The following CPED1 variants were observed in gnomAD, a reference collection of about 807,000 sequenced individuals.
CPED1 encodes cadherin-like and PC-esterase domain-containing protein 1.
CPED1 carries 114 observed loss-of-function variants against 128.2 expected under a neutral mutation model. That is an observed-to-expected ratio of 0.89 (90% confidence interval 0.76 to 1.04). CPED1 has a LOEUF of 1.04. Among genes scored for constraint, CPED1 ranks in the 50% least tolerant of loss-of-function variants. CPED1 has a pLI of 0.00. For synonymous variants in CPED1, 462 were observed against 426.7 expected, an observed-to-expected ratio of 1.08 and a Z score of -1.02; for missense variants, 1,211 against 1,207.1, an observed-to-expected ratio of 1.00 and a Z score of -0.05.
At chr7:121,009,217 C>A (rs1792099647) in intron 2 of CPED1, among the ~76,000 whole-genome samples, 1 of 151,966 alleles carries the variant, frequency 6.6e-6, no homozygotes, top group Non-Finnish European at 1.5e-5. Context: ...TGCAGCACAG[C>A]AAGGAAATTT....
chr7:121,097,608 C>G, intron 5 of CPED1, 91 bp from the exon 6 acceptor site: 1 of 1,401,712 alleles, frequency 7.1e-7, no homozygotes, highest in Non-Finnish European at 9.8e-7. Flanking sequence ...TCTCATGTAC[C>G]CTGCAGTTTA....
At chr7:121,047,713 T>TCCTTCTCCTCCTCCTCCTCCTCCTCC (rs1793248049) in intron 4 of CPED1, among the ~76,000 whole-genome samples, 1 of 69,672 alleles carries the variant, frequency 1.4e-5, no homozygotes, top group African/African-American at 5.8e-5. Flanking sequence ...CTTCTTCTTC[T>TCCTTCTCCTCCTCCTCCTCCTCCTCC]TCTTTTTTTT....
At chr7:121,220,567 T>C (rs1797852784) in intron 16 of CPED1, among the ~76,000 whole-genome samples, 1 of 152,048 alleles carries the variant, frequency 6.6e-6, no homozygotes, top group African/African-American at 2.4e-5. Context: ...TAATTTATGG[T>C]AATTTGTCAC....
chr7:121,125,312 CTTTAAG>C (rs1795477103), intron 8 of CPED1, among the ~76,000 whole-genome samples: 2 of 152,104 alleles, frequency 1.3e-5, no homozygotes, highest in East Asian at 3.9e-4. Context: ...TATTATTTTA[CTTTAAG>C]TTCTGGGATA....
At chr7:121,164,034 A>G (rs1361178428) in intron 16 of CPED1, among the ~76,000 whole-genome samples, 2 of 152,266 alleles carry the variant, frequency 1.3e-5, no homozygotes, top group Non-Finnish European at 2.9e-5. Context: ...ATTTACTGCT[A>G]GGTGCTCTGC....
chr7:121,022,166 G>T (rs1792457457), intron 3 of CPED1, among the ~76,000 whole-genome samples: 2 of 151,812 alleles, frequency 1.3e-5, no homozygotes, highest in African/African-American at 4.8e-5. Context: ...TTAAATACAT[G>T]AACAAAGGAA....
At chr7:121,239,002 G>A (rs1351705897) in intron 17 of CPED1, among the ~76,000 whole-genome samples, 1 of 152,106 alleles carries the variant, frequency 6.6e-6, no homozygotes, top group East Asian at 1.9e-4. Flanking sequence ...CCATCCTCAA[G>A]CTCCAAAAGG....
At chr7:121,100,137 A>G in intron 7 of CPED1, 43 bp downstream of exon 7, 1 of 1,566,452 alleles carries the variant, frequency 6.4e-7, no homozygotes, top group Non-Finnish European at 8.8e-7. Context: ...AAGTACACTG[A>G]AGTAAAGTAA....
At chr7:121,218,309 A>G (rs978784318) in intron 16 of CPED1, among the ~76,000 whole-genome samples, 1 of 151,926 alleles carries the variant, frequency 6.6e-6, no homozygotes, top group Non-Finnish European at 1.5e-5. Context: ...CCACCTAATA[A>G]TTGTAGACAG....
chr7:121,173,783 T>C (rs1796710724), intron 16 of CPED1, among the ~76,000 whole-genome samples: 1 of 152,078 alleles, frequency 6.6e-6, no homozygotes, highest in Non-Finnish European at 1.5e-5. Context: ...TCAGTTCTGT[T>C]TTTAGCTCTT....
At chr7:121,279,736 C>T (rs1490206564) in intron 22 of CPED1, among the ~76,000 whole-genome samples, 1 of 152,146 alleles carries the variant, frequency 6.6e-6, no homozygotes, top group South Asian at 2.1e-4. Context: ...GAATCTATAT[C>T]ATCACATACA....
chr7:121,295,319 T>C (rs1188838261), intron 22 of CPED1, 121 bp from the exon 23 acceptor site: 2 of 1,199,642 alleles, frequency 1.7e-6, no homozygotes, highest in Admixed American at 2.7e-5. Flanking sequence ...ATGTAAGTCA[T>C]AGTCATGCCC....
At chr7:121,031,321 GT>G (rs1792725488) in intron 3 of CPED1, among the ~76,000 whole-genome samples, 1 of 151,562 alleles carries the variant, frequency 6.6e-6, no homozygotes. Flanking sequence ...TTCTTTTTTT[GT>G]TTTTTTCGAG....
chr7:121,077,065 C>CT (rs967739130), intron 5 of CPED1, among the ~76,000 whole-genome samples: 1 of 152,058 alleles, frequency 6.6e-6, no homozygotes, highest in African/African-American at 2.4e-5. Flanking sequence ...GAGACTCCTG[C>CT]TTGACACCAC....
At chr7:121,045,821 G>T (rs989238491) in intron 3 of CPED1, among the ~76,000 whole-genome samples, 2 of 151,406 alleles carry the variant, frequency 1.3e-5, no homozygotes, top group East Asian at 3.9e-4. Context: ...TACCCAGAGG[G>T]GTTTTTTCCT....
chr7:121,120,189 G>A (rs540590884), intron 7 of CPED1, among the ~76,000 whole-genome samples: 4 of 152,138 alleles, frequency 2.6e-5, no homozygotes, highest in Non-Finnish European at 5.9e-5. Context: ...TGGATTGTAT[G>A]GTAGTTCTAT....
intron 10 of CPED1, 27 bp from the exon 11 acceptor site, chr7:121,128,355 T>C (rs1283141734): frequency 7.8e-7 from 1 of 1,274,930 alleles, no homozygotes; most frequent in Non-Finnish European, 1.1e-6. Context: ...TAACAATTGC[T>C]TAAGTTCTTT....
At chr7:121,085,382 A>T (rs750504725) in intron 5 of CPED1, among the ~76,000 whole-genome samples, 2 of 152,202 alleles carry the variant, frequency 1.3e-5, no homozygotes, top group Non-Finnish European at 2.9e-5. Context: ...TAAAAAATAA[A>T]TTGGATTTTT....
intron 3 of CPED1, among the ~76,000 whole-genome samples, chr7:121,019,143 G>C (rs1792375745): frequency 6.6e-6 from 1 of 152,016 alleles, no homozygotes; most frequent in Admixed American, 6.6e-5. Context: ...GCAGTTTCGA[G>C]TCCTACATTA....
Sources: allele counts gnomAD v4.1 joint callset (sites outside exome capture counted in the v4.1 genomes callset), GRCh38; gene constraint gnomAD v4.1.1; transcripts MANE v1.5; gene names NCBI Gene and HGNC (gene_info 2026-07-23, HGNC 2026-07-21).